RELN: variants seen among roughly 807,000 people sequenced by gnomAD.
RELN encodes reelin.
RELN carries 108 observed loss-of-function variants against 427.6 expected under a neutral mutation model. The ratio of observed to expected loss-of-function variants is 0.25; its 90% CI spans 0.22 to 0.30. The LOEUF (loss-of-function observed/expected upper bound fraction) is 0.30. Ranked by LOEUF, RELN falls within the 10% of genes least tolerant of loss-of-function variation. The probability of loss-of-function intolerance (pLI) is 1.00; values close to 1 mark genes in which losing one functional copy is unlikely to be tolerated. For synonymous variants in RELN, 1,524 were observed against 1,513.4 expected, an observed-to-expected ratio of 1.01 and a Z score of -0.16; for missense variants, 3,715 against 4,302.8, an observed-to-expected ratio of 0.86 and a Z score of 3.82.
chr7:103,835,954 CTTTT>C lies in RELN; in HGVS notation c.338-2286_338-2283del, dbSNP rs10569884. ...TCTCTTTACAAAACTCTCAATTACC[CTTTT>C]TTTTTTTTTTTTTTATAGGCGGAGT... On this transcript the variant is annotated intron_variant, in intron 2 of 64. Coordinates refer to ENST00000428762, the MANE Select transcript of RELN (RefSeq NM_005045.4). 7.1e-3 allele frequency among the ~76,000 whole-genome samples: 1,007 copies of C among 142,394 alleles called. 17 individuals are homozygous for C. The highest frequency in any genetic ancestry group is 0.021 in the African/African-American group (813 of 38,562). 93.4% of individuals were successfully genotyped at this position (142,394 alleles called of 152,430 possible). A position where few individuals can be genotyped will look rare whatever the true frequency, so the allele number is the denominator to read the frequency against.
intron 24 of RELN, among the ~76,000 whole-genome samples, chr7:103,600,634 T>C (rs1480488770): frequency 6.6e-6 from 1 of 152,174 alleles, no homozygotes; most frequent in Non-Finnish European, 1.5e-5. Context: ...TTTCTCCCTT[T>C]TTTTTACTTA....
chr7:103,702,635 A>C (rs918601292), intron 8 of RELN, among the ~76,000 whole-genome samples: 10 of 152,146 alleles, frequency 6.6e-5, no homozygotes, highest in Non-Finnish European at 1.3e-4. Flanking sequence ...GCATCTAGAA[A>C]ACAAAAACGC....
intron 8 of RELN, among the ~76,000 whole-genome samples, chr7:103,719,000 A>G (rs1324277211): frequency 6.6e-6 from 1 of 152,192 alleles, no homozygotes; most frequent in Non-Finnish European, 1.5e-5. Flanking sequence ...TGAAGAATTA[A>G]TTTCATTCTA....
At chr7:103,497,137 CAATTT>C (rs1460724236) in intron 55 of RELN, among the ~76,000 whole-genome samples, 8 of 152,160 alleles carry the variant, frequency 5.3e-5, no homozygotes, top group African/African-American at 1.2e-4. Flanking sequence ...TAATTTTATG[CAATTT>C]AATTATTTGG....
chr7:103,969,962 C>T (rs1218342644), intron 1 of RELN, among the ~76,000 whole-genome samples: 1 of 152,052 alleles, frequency 6.6e-6, no homozygotes, highest in East Asian at 1.9e-4. Flanking sequence ...TCACAGATTC[C>T]TTATTTACGA....
chr7:103,939,113 A>AT (rs1796055095), intron 1 of RELN, among the ~76,000 whole-genome samples: 1 of 151,764 alleles, frequency 6.6e-6, no homozygotes, highest in South Asian at 2.1e-4. Context: ...CGCCTGGCTA[A>AT]TTTTTTTGTA....
In RELN at chr7:103,989,578, G is replaced by A. The variant is rs1011395461; in HGVS notation, c.-222C>T. The A allele has an allele frequency of 6.4e-4, 262 of 408,840 alleles. 1 individual carries two copies. The highest frequency in any genetic ancestry group is 1.5e-3 in the African/African-American group (73 of 47,154). The allele number at this position is 408,840 out of a possible 1,614,324, so 25.3% of individuals were successfully genotyped here. On this transcript the variant is annotated 5_prime_UTR_variant, in exon 1 of 65. Coordinates refer to ENST00000428762, the MANE Select transcript of RELN (RefSeq NM_005045.4). This position sits in a 1 kb window ranked among gnomAD's most constrained non-coding sequence, Gnocchi z 4.9. The stretch of plus-strand genomic sequence containing the variant: ...TGGGCCGCGGGAGCGCGGGACCGGG[G>A]CTGCGGGCGCCGAGAGCGCGTCGTC...
In RELN at chr7:103,788,227, A is replaced by T. The variant is rs187114426; in HGVS notation, c.474-11600T>A. Among the ~76,000 whole-genome samples, 162 of 152,328 alleles carry T rather than the reference A, an allele frequency of 1.1e-3. 2 individuals carry two copies. In the East Asian group the frequency reaches 0.029, roughly 27 times the overall value. On this transcript the variant is annotated intron_variant, in intron 3 of 64. Transcript: ENST00000428762. ...GCTATTTATGACAAACCCACAGCCA[A>T]TATCATACTGAATGGGCAAAAACTG...
In RELN at chr7:103,630,192, A is replaced by G; in HGVS notation, c.2466-16T>C. 6.4e-7 allele frequency: 1 copy of G among 1,559,622 alleles called. No homozygotes were observed. The highest frequency in any genetic ancestry group is 8.8e-7 in the Non-Finnish European group (1 of 1,132,170). ...GGAGATTATTCTAGAGAAAAAAAAAAAGTCAAAATTTAGATTATTTTGGTA... is the reference window on the plus strand; with the variant it reads ...GGAGATTATTCTAGAGAAAAAAAAAGAGTCAAAATTTAGATTATTTTGGTA... On this transcript the variant is annotated splice_polypyrimidine_tract_variant and intron_variant, in intron 19 of 64. Transcript: ENST00000428762.
rs561257483 is a variant in RELN, at chr7:103,769,240, A to G, written c.544+7317T>C. Among the ~76,000 whole-genome samples the G allele has an allele frequency of 4.6e-5, 7 of 152,294 alleles. No individual in the cohort carries two copies. In the South Asian group the frequency reaches 1.5e-3, roughly 32 times the overall value. ...AGGTGTTGCCAGAGTGACAGTAGTA[A>G]GAGGTGGGGCCTTTAAGCAGTGATT... On this transcript the variant is annotated intron_variant, in intron 4 of 64. Coordinates refer to ENST00000428762, the MANE Select transcript of RELN (RefSeq NM_005045.4).
At position 103,953,297 on chromosome 7, in the gene RELN, G is replaced by A. The variant is rs1416223984; in HGVS notation, c.226+35834C>T. 6.6e-6 allele frequency among the ~76,000 whole-genome samples: 1 copy of A among 152,166 alleles called. No individual in the cohort carries two copies. The highest frequency in any genetic ancestry group is 1.9e-4 in the East Asian group (1 of 5,200). On this transcript the variant is annotated intron_variant, in intron 1 of 64. Coordinates refer to ENST00000428762, the MANE Select transcript of RELN (RefSeq NM_005045.4). The surrounding 1 kb of genome is among the most constrained non-coding windows in gnomAD (Gnocchi z 4.3). ...CTACTTGAAACTCACAATAACAAGTGGAAGGGTTATTGTTTTATCATTTGG... is the reference window on the plus strand; with the variant it reads ...CTACTTGAAACTCACAATAACAAGTAGAAGGGTTATTGTTTTATCATTTGG...
intron 6 of RELN, among the ~76,000 whole-genome samples, chr7:103,736,777 C>T (rs28409422): frequency 0.022 from 3,344 of 152,156 alleles, 124 homozygotes; most frequent in African/African-American, 0.077. Flanking sequence ...TTTTTGCCAC[C>T]TAAAGCAGAA....
rs541454835 is a variant in RELN, at chr7:103,767,626, C to CA, written c.544+8930dup. 2.2e-3 allele frequency among the ~76,000 whole-genome samples: 336 copies of CA among 151,624 alleles called. 1 individual carries two copies. The highest frequency in any genetic ancestry group is 0.01 in the Middle Eastern group (3 of 294). On this transcript the variant is annotated intron_variant, in intron 4 of 64. Coordinates refer to ENST00000428762, the MANE Select transcript of RELN (RefSeq NM_005045.4). ...TTAGGTTGTTCAGTAATAATTGCTG[C>CA]AAAAAAAACTGATTTCTCCTAGTTC...
intron 1 of RELN, among the ~76,000 whole-genome samples, chr7:103,923,725 C>G (rs1795665495): frequency 6.6e-6 from 1 of 152,106 alleles, no homozygotes; most frequent in South Asian, 2.1e-4. Flanking sequence ...CTAGTATAGT[C>G]TCCTGTCCAT....
chr7:103,498,139 G>C lies in RELN; in HGVS notation c.8781C>G (p.Leu2927=), dbSNP rs754925429. Residue 2927 remains leucine, a synonymous_variant, in exon 54 of 65, where the codon CTC becomes CTG. Coordinates refer to ENST00000428762, the MANE Select transcript of RELN (RefSeq NM_005045.4). ...GTCTCACAGTGGATCCCCCAAAATAGAGTGCAGTGTCCTCGGCAAGAATTC... is the reference window on the plus strand; with the variant it reads ...GTCTCACAGTGGATCCCCCAAAATACAGTGCAGTGTCCTCGGCAAGAATTC... ...ECGILAEDTA[L]YFGGSTVRQA... is the part of the protein sequence containing the mutation. The C allele has an allele frequency of 6.2e-7, 1 of 1,614,092 alleles. No homozygotes were observed. Among genetic ancestry groups the C allele is most frequent in the Non-Finnish European group, 8.5e-7 (1 of 1,180,016 alleles).
chr7:103,692,990 T>A (rs1833902923), intron 10 of RELN, among the ~76,000 whole-genome samples: 1 of 152,118 alleles, frequency 6.6e-6, no homozygotes, highest in Admixed American at 6.6e-5. Context: ...AGTGAGATTT[T>A]CTGAGTTGGT....
At chr7:103,517,004 G>A (rs1249723770) in intron 49 of RELN, among the ~76,000 whole-genome samples, 1 of 152,100 alleles carries the variant, frequency 6.6e-6, no homozygotes, top group Non-Finnish European at 1.5e-5. Context: ...GGCCATGATA[G>A]CTTAATGGAT....
At chr7:103,775,513 T>C (rs986394209) in intron 4 of RELN, among the ~76,000 whole-genome samples, 8 of 152,188 alleles carry the variant, frequency 5.3e-5, no homozygotes, top group African/African-American at 1.7e-4. Context: ...TTTTTCCTCA[T>C]TTCTCTTGAA....
chr7:103,473,033 G>T lies in RELN; in HGVS notation c.10287-125C>A, dbSNP rs1319875065. On this transcript the variant is annotated intron_variant, in intron 64 of 64. Transcript: ENST00000428762. ...TGATATTTGTTTGAAAATTTTCAGG[G>T]TTAATAGGTCATGCTCACATTACCA... The T allele has an allele frequency of 7.0e-6, 6 of 855,518 alleles. No individual in the cohort carries two copies. In the Admixed American group the frequency reaches 8.7e-5, roughly 12 times the overall value. 53.0% of individuals were successfully genotyped at this position (855,518 alleles called of 1,614,324 possible).
Sources: gnomAD v4.1 joint callset for allele counts (sites outside exome capture counted in the v4.1 genomes callset) on GRCh38, gnomAD v4.1.1 for gene constraint, Gnocchi (gnomAD v3.1) non-coding constraint, MANE v1.5 for transcripts, NCBI Gene and HGNC (gene_info 2026-07-23, HGNC 2026-07-21) for gene names.